CNTN4: variants seen among roughly 807,000 people sequenced by gnomAD.
The protein encoded by CNTN4 is contactin-4.
In CNTN4, 77 loss-of-function variants were observed where a neutral mutation model predicts 122.5. The ratio of observed to expected loss-of-function variants is 0.63; its 90% CI spans 0.52 to 0.76. The LOEUF is 0.76. Ranked by LOEUF, CNTN4 falls within the 30% of genes least tolerant of loss-of-function variation. CNTN4 has a pLI of 0.00. For missense variants in CNTN4, 1,256 were observed against 1,259.1 expected (o/e 1.00, Z 0.04); for synonymous variants, 512 against 447.0 (o/e 1.15, Z -1.83).
chr3:3,046,938 A>G (rs1700723874), intron 23 of CNTN4, among the ~76,000 whole-genome samples: 1 of 136,830 alleles, frequency 7.3e-6, no homozygotes, highest in Non-Finnish European at 1.6e-5. Context: ...AAGATCTACC[A>G]AGGAAATGGA....
chr3:2,761,321 C>T (rs187495626), intron 6 of CNTN4, among the ~76,000 whole-genome samples: 1 of 152,224 alleles, frequency 6.6e-6, no homozygotes, highest in Admixed American at 6.5e-5. Context: ...TTCTATACCC[C>T]TCTGAATTTT....
intron 4 of CNTN4, among the ~76,000 whole-genome samples, chr3:2,683,426 A>G (rs148860700): frequency 1.2e-3 from 185 of 151,044 alleles, no homozygotes; most frequent in African/African-American, 4.3e-3. Flanking sequence ...CTAGTTTTCA[A>G]TGATAGAATT....
At chr3:2,599,261 A>T (rs2080915686) in intron 4 of CNTN4, among the ~76,000 whole-genome samples, 1 of 152,204 alleles carries the variant, frequency 6.6e-6, no homozygotes, top group Non-Finnish European at 1.5e-5. Flanking sequence ...TTTAAGGATG[A>T]TGAAACTGAG....
Position 2,797,921 on chromosome 3 carries a change from T to TTTTTC in CNTN4, c.359-21561_359-21560insCTTTT, listed in dbSNP as rs1553642234. Among the ~76,000 whole-genome samples, 5 of 7,698 alleles carry TTTTTC rather than the reference T, an allele frequency of 6.5e-4. No individual in the cohort carries two copies. In the Admixed American group the frequency reaches 0.019, roughly 29 times the overall value. The allele number at this position is 7,698 out of a possible 152,430, so 5.1% of individuals were successfully genotyped here. ...TACTGTTTGATGACCACACTGAGTA[T>TTTTTC]TTTTTTTTTTTTTTTGGTATAAATT... On this transcript the variant is annotated intron_variant, in intron 6 of 24. Transcript: ENST00000418658.
chr3:2,783,334 A>G (rs147497025), intron 6 of CNTN4, among the ~76,000 whole-genome samples: 1 of 152,156 alleles, frequency 6.6e-6, no homozygotes, highest in Non-Finnish European at 1.5e-5. Context: ...GGCCTTAGAG[A>G]TAATTCGTCT....
chr3:2,402,281 G>A (rs1424566413), intron 3 of CNTN4, among the ~76,000 whole-genome samples: 2 of 152,020 alleles, frequency 1.3e-5, no homozygotes, highest in African/African-American at 4.8e-5. Flanking sequence ...ATGAGCTTAG[G>A]GATAAATATT....
chr3:2,656,687 T>G (rs180938823), intron 4 of CNTN4, among the ~76,000 whole-genome samples: 13 of 152,368 alleles, frequency 8.5e-5, no homozygotes, highest in Admixed American at 8.5e-4. Flanking sequence ...TAATTAATTT[T>G]CTGAATGTGT....
At chr3:2,800,418 C>T (rs1331022526) in intron 6 of CNTN4, among the ~76,000 whole-genome samples, 1 of 152,074 alleles carries the variant, frequency 6.6e-6, no homozygotes, top group African/African-American at 2.4e-5. Context: ...TGTAATCTCA[C>T]AGCATTTTGT....
At chr3:2,181,083 T>A (rs2036992894) in intron 2 of CNTN4, among the ~76,000 whole-genome samples, 1 of 152,112 alleles carries the variant, frequency 6.6e-6, no homozygotes, top group Non-Finnish European at 1.5e-5. Context: ...CATAAAATGT[T>A]TCTGCCTAAA....
chr3:2,749,724 T>G (rs1045766726), intron 6 of CNTN4, among the ~76,000 whole-genome samples: 4 of 151,138 alleles, frequency 2.6e-5, no homozygotes, highest in African/African-American at 9.7e-5. Flanking sequence ...TTTCTATTCT[T>G]GTAATTTTCT....
At chr3:2,210,644 T>C (rs911538558) in intron 2 of CNTN4, among the ~76,000 whole-genome samples, 1 of 152,178 alleles carries the variant, frequency 6.6e-6, no homozygotes, top group South Asian at 2.1e-4. Flanking sequence ...GTTAAACCTT[T>C]CCTGGGATTT....
chr3:2,908,400 A>G (rs1252571441), intron 12 of CNTN4, among the ~76,000 whole-genome samples: 2 of 152,210 alleles, frequency 1.3e-5, no homozygotes, highest in African/African-American at 4.8e-5. Context: ...AAGGTCTCCA[A>G]AGCAAGTCTG....
At chr3:2,704,290 T>TC (rs2086525971) in intron 4 of CNTN4, among the ~76,000 whole-genome samples, 1 of 83,096 alleles carries the variant, frequency 1.2e-5, no homozygotes, top group South Asian at 4.8e-4. Flanking sequence ...GAGCGAGACT[T>TC]CATTTCAAAA....
intron 13 of CNTN4, among the ~76,000 whole-genome samples, chr3:2,960,844 A>G (rs1263114677): frequency 1.3e-5 from 2 of 152,186 alleles, no homozygotes; most frequent in African/African-American, 4.8e-5. Context: ...ATGGTAGTAG[A>G]ATGGATGCAA....
At chr3:2,736,599 A>T (rs1022155954) in intron 5 of CNTN4, among the ~76,000 whole-genome samples, 1 of 144,314 alleles carries the variant, frequency 6.9e-6, no homozygotes. Context: ...GAGTAGCTGG[A>T]ATTACAGGCA....
rs558605730 is a variant in CNTN4 at position 2,329,569 on chromosome 3, G to A, written c.-144-9609G>A. ...AGCAAAGGAGTTAAGCACTCAAATG[G>A]CAATCACCAGGAATGAGGCCCACTA... On this transcript the variant is annotated intron_variant, in intron 2 of 24. Transcript: ENST00000418658. Among the ~76,000 whole-genome samples, 165 of 152,236 alleles carry A rather than the reference G, an allele frequency of 1.1e-3. 1 individual carries two copies. Among genetic ancestry groups the A allele is most frequent in the African/African-American group, 3.8e-3 (157 of 41,530 alleles).
intron 3 of CNTN4, among the ~76,000 whole-genome samples, chr3:2,432,739 T>A (rs890950928): frequency 6.6e-6 from 1 of 152,138 alleles, no homozygotes; most frequent in Non-Finnish European, 1.5e-5. Context: ...CCAAGATTGC[T>A]TTCATATTTT....
At position 3,017,981 on chromosome 3, in the gene CNTN4, C is replaced by T. The variant is rs577771963; in HGVS notation, c.1487-8121C>T. Among the ~76,000 whole-genome samples the T allele has an allele frequency of 5.9e-5, 9 of 152,330 alleles. No homozygotes were observed. In the South Asian group the frequency reaches 1.9e-3, roughly 32 times the overall value. ...CATTTCCTACTTCCCTCCTTACCTT[C>T]CTAACAGAATGGATTTGTTTCTGAA... is the stretch of plus-strand genomic sequence containing the variant. On this transcript the variant is annotated intron_variant, in intron 14 of 24. Coordinates refer to ENST00000418658, the MANE Select transcript of CNTN4 (RefSeq NM_175607.3).
chr3:2,553,592 A>T (rs1458675806), intron 3 of CNTN4, among the ~76,000 whole-genome samples: 4 of 152,182 alleles, frequency 2.6e-5, no homozygotes, highest in African/African-American at 4.8e-5. Flanking sequence ...ATGGTTACTA[A>T]CACACAGGAA....
Sources: allele counts gnomAD v4.1 joint callset (sites outside exome capture counted in the v4.1 genomes callset), GRCh38; gene constraint gnomAD v4.1.1; transcripts MANE v1.5; gene names NCBI Gene and HGNC (gene_info 2026-07-23, HGNC 2026-07-21).